FASLG: variants seen among roughly 807,000 people sequenced by gnomAD.
FASLG encodes the protein tumor necrosis factor ligand superfamily member 6.
A neutral mutation model predicts 24.6 loss-of-function variants in FASLG; 9 were observed. The ratio of observed to expected loss-of-function variants is 0.37; its 90% CI spans 0.22 to 0.64. The LOEUF is 0.64. FASLG is among the 30% of genes least tolerant of loss of function. FASLG has a pLI of 0.64. For synonymous variants in FASLG, 130 were observed against 135.5 expected (o/e 0.96, Z 0.28); for missense variants, 306 against 345.3 (o/e 0.89, Z 0.90).
intron 2 of FASLG, among the ~76,000 whole-genome samples, chr1:172,662,553 T>C (rs187194205): frequency 3.2e-4 from 48 of 152,072 alleles, no homozygotes; most frequent in Admixed American, 2.0e-3. Context: ...AGAATCTTCT[T>C]TAAGGAGGTG....
In FASLG at chr1:172,664,323, C is replaced by G. The variant is rs1558234804; in HGVS notation, c.395-11C>G. 4 of 1,613,658 alleles carry G rather than the reference C, an allele frequency of 2.5e-6. No homozygotes were observed. Among genetic ancestry groups the G allele is most frequent in the Admixed American group, 3.3e-5 (2 of 59,994 alleles). On this transcript the variant is annotated splice_polypyrimidine_tract_variant and intron_variant, in intron 2 of 3. Transcript: ENST00000367721. ...ATTTTAACATATATTTTTCCTCTCT[C>G]TATGATACAGGCCACCCCAGTCCAC...
chr1:172,662,220 C>CATGT (rs984921324), intron 2 of FASLG, among the ~76,000 whole-genome samples: 38 of 152,198 alleles, frequency 2.5e-4, no homozygotes, highest in African/African-American at 8.9e-4. Flanking sequence ...ACTATGTAAC[C>CATGT]ATGTATGCAC....
rs1422775287 is a variant in FASLG, at chr1:172,666,061, G to C, written c.*45G>C. On this transcript the variant is annotated 3_prime_UTR_variant, in exon 4 of 4. Transcript: ENST00000367721. Reference sequence around the variant, plus strand: ...TTTCCATTATGATTCTTTGTTACAGGCACCGAGAATGTTGTATTCAGTGAG... The same window carrying C: ...TTTCCATTATGATTCTTTGTTACAGCCACCGAGAATGTTGTATTCAGTGAG... 1 of 1,608,802 alleles carries C rather than the reference G, an allele frequency of 6.2e-7. No individual in the cohort carries two copies. Among genetic ancestry groups the C allele is most frequent in the Non-Finnish European group, 8.5e-7 (1 of 1,178,082 alleles).
At chr1:172,662,017 T>G (rs889526257) in intron 2 of FASLG, among the ~76,000 whole-genome samples, 2 of 152,042 alleles carry the variant, frequency 1.3e-5, no homozygotes, top group Non-Finnish European at 2.9e-5. Context: ...CTATTTATAA[T>G]AAATAATTCA....
rs148926397 is a variant in FASLG, at chr1:172,664,788, A to T, written c.451+398A>T. On this transcript the variant is annotated intron_variant, in intron 3 of 3. Coordinates refer to ENST00000367721, the MANE Select transcript of FASLG (RefSeq NM_000639.3). ...AGAGCTTCACTCTGCTTTGTCCAAG[A>T]GTATAAATAGGAGTGAGAAGGGAGA... 5.8e-3 allele frequency among the ~76,000 whole-genome samples: 889 copies of T among 152,354 alleles called. 10 individuals carry two copies. Among genetic ancestry groups the T allele is most frequent in the African/African-American group, 0.02 (833 of 41,582 alleles).
chr1:172,660,118 A>T lies in FASLG; in HGVS notation c.372A>T (p.Ala124=). ...LRESTSQMHT[A]SSLEKQIGHP... ...AGTCTACCAGCCAGATGCACACAGC[A>T]TCATCTTTGGAGAAGCAAATAGGTG... is the stretch of plus-strand genomic sequence containing the variant. The change falls in exon 2 of 4, where the codon GCA becomes GCT. Residue 124 remains alanine (A), a synonymous_variant. Coordinates refer to ENST00000367721, the MANE Select transcript of FASLG (RefSeq NM_000639.3). The T allele has an allele frequency of 6.2e-7, 1 of 1,614,186 alleles. No homozygotes were observed.
At chr1:172,664,288 T>C (rs1198709395) in intron 2 of FASLG, 46 bp from the exon 3 acceptor site, 1 of 1,578,620 alleles carries the variant, frequency 6.3e-7, no homozygotes, top group African/African-American at 1.4e-5. Context: ...AAAATAATAG[T>C]TGCTATTTCA....
chr1:172,661,904 T>C (rs1571331211), intron 2 of FASLG, among the ~76,000 whole-genome samples: 1 of 152,198 alleles, frequency 6.6e-6, no homozygotes, highest in Admixed American at 6.5e-5. Context: ...TTGTAACTAG[T>C]AGTTTACGTT....
Position 172,660,125 on chromosome 1 carries a change from T to C in FASLG, c.379T>C (p.Leu127=), listed in dbSNP as rs1659105684. Residue 127 remains leucine (L), a synonymous_variant, in exon 2 of 4, where the codon TTG becomes CTG. Coordinates refer to ENST00000367721, the MANE Select transcript of FASLG (RefSeq NM_000639.3). ...CAGCCAGATGCACACAGCATCATCT[T>C]TGGAGAAGCAAATAGGTGAGTCTTT... The part of the protein sequence containing the change: ...STSQMHTASS[L]EKQIGHPSPP... 1.9e-6 allele frequency: 3 copies of C among 1,614,172 alleles called. No individual in the cohort carries two copies. Among genetic ancestry groups the C allele is most frequent in the Middle Eastern group, 1.6e-4 (1 of 6,062 alleles).
intron 2 of FASLG, among the ~76,000 whole-genome samples, chr1:172,661,078 C>T (rs564473339): frequency 6.6e-6 from 1 of 152,328 alleles, no homozygotes; most frequent in African/African-American, 2.4e-5. Context: ...GGAACACAGG[C>T]TCTTGATGCC....
Position 172,659,314 on chromosome 1 carries a change from G to A in FASLG, c.113G>A (p.Arg38Lys), listed in dbSNP as rs149563384. The change falls in exon 1 of 4, where the codon AGA becomes AAA. Residue 38 changes from arginine to lysine, a missense_variant. Physicochemically the swap from Arg to Lys is conservative, Grantham distance 26. Transcript: ENST00000367721. ...CTTCCCTGTCCAACCTCTGTGCCCAGAAGGCCTGGTCAAAGGAGGCCACCA... is the reference window on the plus strand; with the variant it reads ...CTTCCCTGTCCAACCTCTGTGCCCAAAAGGCCTGGTCAAAGGAGGCCACCA... The part of the protein sequence containing the change: ...TVLPCPTSVP[R>K]RPGQRRPPPP... The A allele has an allele frequency of 3.1e-6, 5 of 1,613,878 alleles. No homozygotes were observed. The African/African-American group carries it at 6.7e-5, about 22-fold the overall frequency.
intron 2 of FASLG, among the ~76,000 whole-genome samples, chr1:172,662,629 G>A (rs1659167783): frequency 1.3e-5 from 2 of 150,304 alleles, no homozygotes; most frequent in Non-Finnish European, 3.0e-5. Context: ...ATGTGCTGTG[G>A]AGTGGGGTGG....
At chr1:172,661,771 A>G (rs1025146870) in intron 2 of FASLG, among the ~76,000 whole-genome samples, 1 of 152,220 alleles carries the variant, frequency 6.6e-6, no homozygotes, top group Non-Finnish European at 1.5e-5. Context: ...AAAGATTAAA[A>G]AAAAACCCAG....
chr1:172,665,276 T>A (rs1236347878), intron 3 of FASLG, among the ~76,000 whole-genome samples: 1 of 152,232 alleles, frequency 6.6e-6, no homozygotes, highest in African/African-American at 2.4e-5. Context: ...TTCCTTGGAT[T>A]TGGCTTTTTC....
chr1:172,659,154 A>G lies in FASLG; in HGVS notation c.-48A>G, dbSNP rs753508232. ...TGACACCTCAGCCTCTACAGGACTG[A>G]GAAGAAGTAAAACCGTTTGCTGGGG... On this transcript the variant is annotated 5_prime_UTR_variant, in exon 1 of 4. Coordinates refer to ENST00000367721, the MANE Select transcript of FASLG (RefSeq NM_000639.3). 1 of 1,613,384 alleles carries G rather than the reference A, an allele frequency of 6.2e-7. No homozygotes were observed. Among genetic ancestry groups the G allele is most frequent in the Middle Eastern group, 1.7e-4 (1 of 6,060 alleles).
rs749589694 is a variant in FASLG, at chr1:172,659,231, C to T, written c.30C>T (p.Pro10=). The part of the protein sequence containing the change: MQQPFNYPY[P]QIYWVDSSAS... ...AGCAGCCCTTCAATTACCCATATCC[C>T]CAGATCTACTGGGTGGACAGCAGTG... Residue 10 remains proline, a synonymous_variant, in exon 1 of 4, where the codon CCC becomes CCT. Transcript: ENST00000367721. 2.5e-6 allele frequency: 4 copies of T among 1,614,060 alleles called. No individual in the cohort carries two copies. The highest frequency in any genetic ancestry group is 3.3e-5 in the Admixed American group (2 of 59,998).
rs1296995455 is a variant in FASLG at position 172,666,619 on chromosome 1, GT to G, written c.*604del. 2 of 127,938 alleles carry G rather than the reference GT, an allele frequency of 1.6e-5. No individual in the cohort carries two copies. Among genetic ancestry groups the G allele is most frequent in the South Asian group, 2.2e-4 (1 of 4,568 alleles). 7.9% of individuals were successfully genotyped at this position (127,938 alleles called of 1,614,324 possible). ...GTATTTCCAGTGCAATTGTAGGGGTGTGTGTGTGTGTGTGTGTGTGTGTGTG... is the reference window on the plus strand; with the variant it reads ...GTATTTCCAGTGCAATTGTAGGGGTGGTGTGTGTGTGTGTGTGTGTGTGTG... On this transcript the variant is annotated 3_prime_UTR_variant, in exon 4 of 4. Transcript: ENST00000367721.
rs1040222989 is a variant in FASLG, at chr1:172,666,109, G to T, written c.*93G>T. ...GAGGGTCTTCTTACATGCATTTGAG[G>T]TCAAGTAAGAAGACATGAACCAAGT... On this transcript the variant is annotated 3_prime_UTR_variant, in exon 4 of 4. Transcript: ENST00000367721. 1.3e-6 allele frequency: 2 copies of T among 1,508,714 alleles called. No homozygotes were observed. Among genetic ancestry groups the T allele is most frequent in the Non-Finnish European group, 1.8e-6 (2 of 1,100,358 alleles). 93.5% of individuals were successfully genotyped at this position (1,508,714 alleles called of 1,614,324 possible).
In FASLG at chr1:172,666,633, G is replaced by C. The variant is rs1226315966; in HGVS notation, c.*617G>C. 6.5e-6 allele frequency: 1 copy of C among 154,442 alleles called. No individual in the cohort carries two copies. Among genetic ancestry groups the C allele is most frequent in the Non-Finnish European group, 1.4e-5 (1 of 69,214 alleles). 9.6% of individuals were successfully genotyped at this position (154,442 alleles called of 1,614,324 possible). ...ATTGTAGGGGTGTGTGTGTGTGTGTGTGTGTGTGTGTGTGTATGACTAAAG... is the reference window on the plus strand; with the variant it reads ...ATTGTAGGGGTGTGTGTGTGTGTGTCTGTGTGTGTGTGTGTATGACTAAAG... On this transcript the variant is annotated 3_prime_UTR_variant, in exon 4 of 4. Coordinates refer to ENST00000367721, the MANE Select transcript of FASLG (RefSeq NM_000639.3).
Sources: allele counts gnomAD v4.1 joint callset (sites outside exome capture counted in the v4.1 genomes callset), GRCh38; gene constraint gnomAD v4.1.1; transcripts MANE v1.5; gene names NCBI Gene and HGNC (gene_info 2026-07-23, HGNC 2026-07-21).